Variants in FAM43A observed in about 807,000 individuals in gnomAD.
FAM43A encodes the protein protein FAM43A.
Under a neutral mutation model 15.7 loss-of-function variants are expected in FAM43A, and 11 were observed. That is an observed-to-expected ratio of 0.70 (90% CI 0.44 to 1.16). The LOEUF (loss-of-function observed/expected upper bound fraction) is 1.16, where lower values mean the gene tolerates loss of function less well. Ranked by LOEUF, FAM43A falls within the 50% of genes most tolerant of loss-of-function variation. The pLI, the probability that FAM43A is intolerant of heterozygous loss-of-function variation, is 0.00. For missense variants in FAM43A, 573 were observed against 620.0 expected (o/e 0.92, Z 0.80); for synonymous variants, 319 against 291.7 (o/e 1.09, Z -0.96).
chr3:194,687,025 G>A lies in FAM43A; in HGVS notation c.199G>A (p.Asp67Asn). 1.2e-6 allele frequency: 2 copies of A among 1,610,760 alleles called. No homozygotes were observed. The highest frequency in any genetic ancestry group is 1.7e-6 in the Non-Finnish European group (2 of 1,177,558). ...CAAGAAGCTGCACATCACTAGCGAG[G>A]ACCCAACTTACACCGTGCTCTACCT... ...KRKKLHITSEDPTYTVLYLGN... is the reference protein window; with the variant it reads ...KRKKLHITSENPTYTVLYLGN... Residue 67 changes from aspartate to asparagine, a missense_variant, in exon 1 of 1, where the codon GAC (aspartate) becomes AAC (asparagine). Coordinates refer to ENST00000329759, the MANE Select transcript of FAM43A (RefSeq NM_153690.5).
chr3:194,688,260 C>T lies in FAM43A; in HGVS notation c.*162C>T, dbSNP rs1425295265. On this transcript the variant is annotated 3_prime_UTR_variant, in exon 1 of 1. Transcript: ENST00000329759. ...GCGTTCCCCCGACCGCTTTCCCCTA[C>T]CTCCCGGCCCCCGCTCCCGCCCCAG... 4 of 795,864 alleles carry T rather than the reference C, an allele frequency of 5.0e-6. No individual in the cohort carries two copies. Among genetic ancestry groups the T allele is most frequent in the East Asian group, 6.8e-5 (2 of 29,604 alleles). 49.3% of individuals were successfully genotyped at this position (795,864 alleles called of 1,614,324 possible).
Position 194,687,513 on chromosome 3 carries a change from G to A in FAM43A, c.687G>A (p.Leu229=). 2 of 1,558,412 alleles carry A rather than the reference G, an allele frequency of 1.3e-6. No homozygotes were observed. Among genetic ancestry groups the A allele is most frequent in the Non-Finnish European group, 8.7e-7 (1 of 1,150,992 alleles). The change falls in exon 1 of 1, where the codon CTG becomes CTA. Residue 229 remains leucine (L), a synonymous_variant. Transcript: ENST00000329759. ...TCCCGCTAGTGCCGCTGCGCAAGCT[G>A]CTCCTACACGGACCCTGCTGCTATA... ...HTIPLVPLRK[L]LLHGPCCYKP...
rs1227835199 is a variant in FAM43A, at chr3:194,688,062, C to T, written c.1236C>T (p.Ala412=). ...CCGCCGGGGACTCGTCCCGCCAGGC[C>T]GACGGCGCCAGTGCAGACGAGCCCC... ...SATAGDSSRQ[A]DGASADEPHS... The change falls in exon 1 of 1, where the codon GCC becomes GCT. Residue 412 remains alanine, a synonymous_variant. Coordinates refer to ENST00000329759, the MANE Select transcript of FAM43A (RefSeq NM_153690.5). The T allele has an allele frequency of 1.4e-6, 2 of 1,400,974 alleles. No homozygotes were observed. Among genetic ancestry groups the T allele is most frequent in the Non-Finnish European group, 1.9e-6 (2 of 1,075,896 alleles). 86.8% of individuals were successfully genotyped at this position (1,400,974 alleles called of 1,614,324 possible). A position where few individuals can be genotyped will look rare whatever the true frequency, so the allele number is the denominator to read the frequency against.
Position 194,687,075 on chromosome 3 carries a change from G to C in FAM43A, c.249G>C (p.Ala83=). ...LYLGNATTIQ[A]RGDGCTDLAV... is the part of the protein sequence containing the mutation. ...TGGGCAATGCCACCACCATCCAGGCGCGCGGCGACGGCTGCACCGACCTTG... is the reference window on the plus strand; with the variant it reads ...TGGGCAATGCCACCACCATCCAGGCCCGCGGCGACGGCTGCACCGACCTTG... The change falls in exon 1 of 1, where the codon GCG becomes GCC. Residue 83 remains alanine (A), a synonymous_variant. Coordinates refer to ENST00000329759, the MANE Select transcript of FAM43A (RefSeq NM_153690.5). The C allele has an allele frequency of 1.9e-6, 3 of 1,613,630 alleles. No individual in the cohort carries two copies. The highest frequency in any genetic ancestry group is 2.5e-6 in the Non-Finnish European group (3 of 1,179,850).
Position 194,688,003 on chromosome 3 carries a change from A to T in FAM43A, c.1177A>T (p.Ile393Phe). ...CGACAGCACGGGCAGCGAGAGCTCC[A>T]TCGAGGGCGGGGGCCCTGACGCCAC... Reference protein sequence around the residue: ...SGDSTGSESSIEGGGPDATSA... With the variant: ...SGDSTGSESSFEGGGPDATSA... The change falls in exon 1 of 1, where the codon ATC becomes TTC. Residue 393 changes from isoleucine to phenylalanine, a missense_variant. Physicochemically the swap from Ile to Phe is conservative, Grantham distance 21. Coordinates refer to ENST00000329759, the MANE Select transcript of FAM43A (RefSeq NM_153690.5). 1 of 1,425,082 alleles carries T rather than the reference A, an allele frequency of 7.0e-7. No individual in the cohort carries two copies. Among genetic ancestry groups the T allele is most frequent in the South Asian group, 1.7e-5 (1 of 60,464 alleles). The allele number at this position is 1,425,082 out of a possible 1,614,324, so 88.3% of individuals were successfully genotyped here.
At position 194,686,771 on chromosome 3, in the gene FAM43A, C is replaced by A; in HGVS notation, c.-56C>A. ...CAGGGGCCGGTGGCTCAGCGGGCCT[C>A]GCACCCGGCGCTCCGCCGCCGCCGC... On this transcript the variant is annotated 5_prime_UTR_variant, in exon 1 of 1. Transcript: ENST00000329759. 7.3e-7 allele frequency: 1 copy of A among 1,363,062 alleles called. No individual in the cohort carries two copies. Among genetic ancestry groups the A allele is most frequent in the Non-Finnish European group, 9.4e-7 (1 of 1,069,060 alleles). The allele number at this position is 1,363,062 out of a possible 1,614,324, so 84.4% of individuals were successfully genotyped here. A position where few individuals can be genotyped will look rare whatever the true frequency, so the allele number is the denominator to read the frequency against.
Position 194,687,194 on chromosome 3 carries a change from C to T in FAM43A, c.368C>T (p.Ala123Val), listed in dbSNP as rs1041625524. The T allele has an allele frequency of 6.2e-7, 1 of 1,607,562 alleles. No homozygotes were observed. The stretch of plus-strand genomic sequence containing the variant: ...GCGCAGGGTATCCGCATGGTGCACG[C>T]CGAGGAGCGCGCGCTGCGCCGCCCG... The part of the protein sequence containing the change: ...VSAQGIRMVH[A>V]EERALRRPGH... The change falls in exon 1 of 1, where the codon GCC becomes GTC. Residue 123 changes from alanine to valine, a missense_variant. Transcript: ENST00000329759.
rs1719463922 is a variant in FAM43A, at chr3:194,688,016, G to A, written c.1190G>A (p.Gly397Asp). 2.1e-6 allele frequency: 3 copies of A among 1,424,554 alleles called. No homozygotes were observed. The highest frequency in any genetic ancestry group is 2.8e-6 in the Non-Finnish European group (3 of 1,090,486). 88.2% of individuals were successfully genotyped at this position (1,424,554 alleles called of 1,614,324 possible). A position where few individuals can be genotyped will look rare whatever the true frequency, so the allele number is the denominator to read the frequency against. ...AGCGAGAGCTCCATCGAGGGCGGGG[G>A]CCCTGACGCCACCTCCGCCACCGCC... Reference protein sequence around the residue: ...TGSESSIEGGGPDATSATAGD... With the variant: ...TGSESSIEGGDPDATSATAGD... Residue 397 changes from glycine to aspartate, a missense_variant, in exon 1 of 1, where the codon GGC becomes GAC. By Grantham distance (94) the Gly-to-Asp change is moderately conservative. Coordinates refer to ENST00000329759, the MANE Select transcript of FAM43A (RefSeq NM_153690.5).
Position 194,687,583 on chromosome 3 carries a change from A to G in FAM43A, c.757A>G (p.Ile253Val), listed in dbSNP as rs1719448666. 6.3e-7 allele frequency: 1 copy of G among 1,585,176 alleles called. No individual in the cohort carries two copies. The highest frequency in any genetic ancestry group is 8.6e-7 in the Non-Finnish European group (1 of 1,165,634). The change falls in exon 1 of 1, where the codon ATC (isoleucine) becomes GTC (valine). Residue 253 changes from isoleucine (I) to valine (V), a missense_variant. Coordinates refer to ENST00000329759, the MANE Select transcript of FAM43A (RefSeq NM_153690.5). ...RSRSAPKLGS[I>V]TEDLLGEQLE... ...CCGCAGCGCGCCCAAGCTTGGCTCC[A>G]TCACCGAGGACCTGCTCGGCGAACA...
Position 194,687,719 on chromosome 3 carries a change from C to T in FAM43A, c.893C>T (p.Ala298Val), listed in dbSNP as rs1342193083. 21 of 1,559,202 alleles carry T rather than the reference C, an allele frequency of 1.3e-5. No homozygotes were observed. Among genetic ancestry groups the T allele is most frequent in the Middle Eastern group, 3.4e-4 (2 of 5,960 alleles). The change falls in exon 1 of 1, where the codon GCG (alanine) becomes GTG (valine). Residue 298 changes from alanine (A) to valine (V), a missense_variant. Coordinates refer to ENST00000329759, the MANE Select transcript of FAM43A (RefSeq NM_153690.5). ...EGDPAEEEAE[A>V]QRALVVAMHF... Reference sequence around the variant, plus strand: ...GATCCAGCAGAGGAGGAGGCCGAGGCGCAGCGTGCGCTAGTGGTCGCCATG... The same window carrying T: ...GATCCAGCAGAGGAGGAGGCCGAGGTGCAGCGTGCGCTAGTGGTCGCCATG...
chr3:194,686,918 A>C lies in FAM43A; in HGVS notation c.92A>C (p.His31Pro). Residue 31 changes from histidine to proline, a missense_variant, in exon 1 of 1, where the codon CAC (histidine) becomes CCC (proline). His to Pro is a moderately conservative substitution (Grantham distance 77, BLOSUM62 -2). Transcript: ENST00000329759. ...CCCAAGGGCTACGCTGTGAGCCTGC[A>C]CTACTCGGCGCTCAGCTCGCTGGCG... is the stretch of plus-strand genomic sequence containing the variant. ...SKPKGYAVSL[H>P]YSALSSLARA... 6.8e-6 allele frequency: 11 copies of C among 1,610,220 alleles called. No individual in the cohort carries two copies. Among genetic ancestry groups the C allele is most frequent in the Non-Finnish European group, 9.3e-6 (11 of 1,178,230 alleles).
In FAM43A at chr3:194,688,004, T is replaced by A. The variant is rs1181443499; in HGVS notation, c.1178T>A (p.Ile393Asn). Residue 393 changes from isoleucine (I) to asparagine (N), a missense_variant, in exon 1 of 1, where the codon ATC becomes AAC. Coordinates refer to ENST00000329759, the MANE Select transcript of FAM43A (RefSeq NM_153690.5). Reference protein sequence around the residue: ...SGDSTGSESSIEGGGPDATSA... With the variant: ...SGDSTGSESSNEGGGPDATSA... ...GACAGCACGGGCAGCGAGAGCTCCATCGAGGGCGGGGGCCCTGACGCCACC... is the reference window on the plus strand; with the variant it reads ...GACAGCACGGGCAGCGAGAGCTCCAACGAGGGCGGGGGCCCTGACGCCACC... The A allele has an allele frequency of 7.0e-7, 1 of 1,421,810 alleles. No homozygotes were observed. The highest frequency in any genetic ancestry group is 9.2e-7 in the Non-Finnish European group (1 of 1,088,394). 88.1% of individuals were successfully genotyped at this position (1,421,810 alleles called of 1,614,324 possible). A position where few individuals can be genotyped will look rare whatever the true frequency, so the allele number is the denominator to read the frequency against.
chr3:194,687,562 A>C lies in FAM43A; in HGVS notation c.736A>C (p.Ser246Arg). Residue 246 changes from serine (S) to arginine (R), a missense_variant, in exon 1 of 1, where the codon AGC (serine) becomes CGC (arginine). Ser to Arg is a moderately radical substitution (Grantham distance 110). Transcript: ENST00000329759. ...TAAACCGCCGGTGGAGCGCAGCCGC[A>C]GCGCGCCCAAGCTTGGCTCCATCAC... is the stretch of plus-strand genomic sequence containing the variant. ...CYKPPVERSR[S>R]APKLGSITED... is the part of the protein sequence containing the mutation. 1 of 1,586,296 alleles carries C rather than the reference A, an allele frequency of 6.3e-7. No homozygotes were observed. The highest frequency in any genetic ancestry group is 2.3e-5 in the East Asian group (1 of 43,614).
rs1353264725 is a variant in FAM43A, at chr3:194,686,999, G to A, written c.173G>A (p.Arg58His). ...SRVGSMFRSK[R>H]KKLHITSEDP... is the part of the protein sequence containing the mutation. ...GTGGGCAGCATGTTCCGCTCCAAGC[G>A]CAAGAAGCTGCACATCACTAGCGAG... The change falls in exon 1 of 1, where the codon CGC (arginine) becomes CAC (histidine). Residue 58 changes from arginine (R) to histidine (H), a missense_variant. Transcript: ENST00000329759. 2 of 1,609,376 alleles carry A rather than the reference G, an allele frequency of 1.2e-6. No individual in the cohort carries two copies. Among genetic ancestry groups the A allele is most frequent in the Non-Finnish European group, 8.5e-7 (1 of 1,176,672 alleles).
chr3:194,687,216 C>T lies in FAM43A; in HGVS notation c.390C>T (p.Arg130=), dbSNP rs1050946673. 3.7e-6 allele frequency: 6 copies of T among 1,604,018 alleles called. No homozygotes were observed. In the African/African-American group the frequency reaches 6.7e-5, roughly 18 times the overall value. ...ACGCCGAGGAGCGCGCGCTGCGCCG[C>T]CCGGGCCACCTCTACCTGCTGCACC... is the stretch of plus-strand genomic sequence containing the variant. The part of the protein sequence containing the change: ...MVHAEERALR[R]PGHLYLLHRV... Residue 130 remains arginine (R), a synonymous_variant, in exon 1 of 1, where the codon CGC becomes CGT. Transcript: ENST00000329759.
chr3:194,687,778 G>A lies in FAM43A; in HGVS notation c.952G>A (p.Glu318Lys), dbSNP rs1433558465. 6.7e-7 allele frequency: 1 copy of A among 1,494,492 alleles called. No homozygotes were observed. The highest frequency in any genetic ancestry group is 9.0e-7 in the Non-Finnish European group (1 of 1,116,018). The allele number at this position is 1,494,492 out of a possible 1,614,324, so 92.6% of individuals were successfully genotyped here. A position where few individuals can be genotyped will look rare whatever the true frequency, so the allele number is the denominator to read the frequency against. The change falls in exon 1 of 1, where the codon GAG becomes AAG. Residue 318 changes from glutamate (E) to lysine (K), a missense_variant. By Grantham distance (56) the Glu-to-Lys change is moderately conservative. Transcript: ENST00000329759. ...FECGDLLDTL[E>K]NGRGEALGGG... ...GTGCGGGGACTTGTTGGATACTCTG[G>A]AGAATGGCCGTGGGGAGGCGCTAGG... is the stretch of plus-strand genomic sequence containing the variant.
Position 194,688,052 on chromosome 3 carries a change from C to T in FAM43A, c.1226C>T (p.Ser409Phe), listed in dbSNP as rs777096008. 2 of 1,409,064 alleles carry T rather than the reference C, an allele frequency of 1.4e-6. No homozygotes were observed. Among genetic ancestry groups the T allele is most frequent in the Non-Finnish European group, 9.3e-7 (1 of 1,080,838 alleles). 87.3% of individuals were successfully genotyped at this position (1,409,064 alleles called of 1,614,324 possible). ...DATSATAGDS[S>F]RQADGASADE... is the part of the protein sequence containing the mutation. ...ACCTCCGCCACCGCCGGGGACTCGT[C>T]CCGCCAGGCCGACGGCGCCAGTGCA... The change falls in exon 1 of 1, where the codon TCC becomes TTC. Residue 409 changes from serine (S) to phenylalanine (F), a missense_variant. Physicochemically the swap from Ser to Phe is radical, Grantham distance 155. Coordinates refer to ENST00000329759, the MANE Select transcript of FAM43A (RefSeq NM_153690.5).
rs1404746198 is a variant in FAM43A, at chr3:194,687,630, G to A, written c.804G>A (p.Glu268=). The change falls in exon 1 of 1, where the codon GAG becomes GAA. Residue 268 remains glutamate (E), a synonymous_variant. Transcript: ENST00000329759. ...LGEQLEQELQ[E]EEEEEQPEGC... ...AACAGCTGGAGCAGGAGCTGCAGGA[G>A]GAAGAGGAAGAGGAGCAACCCGAGG... The A allele has an allele frequency of 2.2e-5, 35 of 1,564,252 alleles. No homozygotes were observed. The highest frequency in any genetic ancestry group is 2.9e-5 in the Non-Finnish European group (34 of 1,153,952).
Position 194,688,143 on chromosome 3 carries a change from T to C in FAM43A, c.*45T>C. 1 of 1,307,178 alleles carries C rather than the reference T, an allele frequency of 7.7e-7. No homozygotes were observed. Among genetic ancestry groups the C allele is most frequent in the Non-Finnish European group, 9.8e-7 (1 of 1,021,548 alleles). 81.0% of individuals were successfully genotyped at this position (1,307,178 alleles called of 1,614,324 possible). ...GCGCTCCACCGTGGCTACCCATCCGTGGTCCCGACAACCTCCCTGTCCCTT... is the reference window on the plus strand; with the variant it reads ...GCGCTCCACCGTGGCTACCCATCCGCGGTCCCGACAACCTCCCTGTCCCTT... On this transcript the variant is annotated 3_prime_UTR_variant, in exon 1 of 1. Transcript: ENST00000329759.
Sources: allele counts gnomAD v4.1 joint callset, GRCh38; gene constraint gnomAD v4.1.1; transcripts MANE v1.5; gene names NCBI Gene and HGNC (gene_info 2026-07-23, HGNC 2026-07-21).